Variants in GRB14 observed in about 807,000 individuals in gnomAD.
The protein encoded by GRB14 is growth factor receptor bound protein 14, also known as growth factor receptor-bound protein 14.
In GRB14, 38 loss-of-function variants were observed where a neutral mutation model predicts 69.1. That is an observed-to-expected ratio of 0.55 (90% CI 0.42 to 0.72). The LOEUF is 0.72. Among genes scored for constraint, GRB14 ranks in the 30% least tolerant of loss-of-function variants. The pLI is 0.00. For synonymous variants in GRB14, 247 were observed against 241.3 expected, an observed-to-expected ratio of 1.02 and a Z score of -0.22; for missense variants, 666 against 666.1, an observed-to-expected ratio of 1.00 and a Z score of 0.00.
At chr2:164,529,440 A>T (rs1463078806) in intron 3 of GRB14, among the ~76,000 whole-genome samples, 1 of 152,226 alleles carries the variant, frequency 6.6e-6, no homozygotes, top group Admixed American at 6.5e-5. Context: ...CTTAAAAACG[A>T]AACAAAGTCA....
intron 2 of GRB14, among the ~76,000 whole-genome samples, chr2:164,584,618 T>A (rs1689491086): frequency 6.6e-6 from 1 of 151,946 alleles, no homozygotes; most frequent in Non-Finnish European, 1.5e-5. Flanking sequence ...GAGACTTAAG[T>A]ACTGTTCTCC....
chr2:164,503,148 T>C (rs946754115), intron 8 of GRB14, among the ~76,000 whole-genome samples: 15 of 149,116 alleles, frequency 1.0e-4, no homozygotes, highest in African/African-American at 3.7e-4. Flanking sequence ...GCTAACCTCC[T>C]TTAGGTTTAA....
chr2:164,537,456 T>C (rs1427821446), intron 3 of GRB14, among the ~76,000 whole-genome samples: 1 of 151,870 alleles, frequency 6.6e-6, no homozygotes, highest in African/African-American at 2.4e-5. Flanking sequence ...ATGTATAAAC[T>C]AAAAGGAGGG....
chr2:164,507,855 T>A (rs1301575583), intron 8 of GRB14, among the ~76,000 whole-genome samples: 6 of 152,342 alleles, frequency 3.9e-5, no homozygotes, highest in African/African-American at 1.4e-4. Flanking sequence ...AGTTCTGCTT[T>A]TATTTCCTAT....
intron 4 of GRB14, 85 bp from the exon 5 acceptor site, chr2:164,525,163 G>A: frequency 1.1e-6 from 1 of 946,754 alleles, no homozygotes; most frequent in Non-Finnish European, 1.6e-6. Context: ...AAAAGCAAAA[G>A]TTCTTTAAAC....
intron 3 of GRB14, among the ~76,000 whole-genome samples, chr2:164,539,463 G>A (rs910494887): frequency 3.4e-5 from 4 of 118,546 alleles, no homozygotes; most frequent in Non-Finnish European, 5.3e-5. Context: ...GACAGACGGC[G>A]ACTCCATCTC....
intron 5 of GRB14, among the ~76,000 whole-genome samples, chr2:164,524,583 T>A (rs546949964): frequency 3.9e-5 from 6 of 152,270 alleles, no homozygotes; most frequent in African/African-American, 1.4e-4. Flanking sequence ...TCCTTTCATT[T>A]ATTTGCTAAA....
At chr2:164,499,159 T>C (rs1214746610) in intron 9 of GRB14, among the ~76,000 whole-genome samples, 1 of 152,138 alleles carries the variant, frequency 6.6e-6, no homozygotes, top group East Asian at 1.9e-4. Context: ...CATGCCAAGG[T>C]AGGTTCTGTA....
At chr2:164,565,763 G>C (rs2105326195) in intron 2 of GRB14, among the ~76,000 whole-genome samples, 1 of 152,300 alleles carries the variant, frequency 6.6e-6, no homozygotes, top group East Asian at 1.9e-4. Context: ...GATCCTAATA[G>C]AATTTGGAAG....
rs186251814 is a variant in GRB14, at chr2:164,497,390, T to C, written c.1205A>G (p.Glu402Gly). The change falls in exon 10 of 14, where the codon GAA (glutamate) becomes GGA (glycine). Residue 402 changes from glutamate (E) to glycine (G), a missense_variant. Transcript: ENST00000263915. ...PTEALSVAVE[E>G]GLAWRKKGCL... ...TACTTGTACCCTCCAAGCGAGTCCT[T>C]CTTCAACCGCAACTGAAAGGGCTTC... 1.9e-6 allele frequency: 3 copies of C among 1,613,288 alleles called. No individual in the cohort carries two copies. The East Asian group carries it at 6.7e-5, about 36-fold the overall frequency.
At position 164,525,083 on chromosome 2, in the gene GRB14, CA is replaced by C; in HGVS notation, c.604-6del. On this transcript the variant is annotated splice_region_variant and splice_polypyrimidine_tract_variant and intron_variant, in intron 4 of 13. Transcript: ENST00000263915. ...CATATGCTCTGGAAAAAAATACTGT[CA>C]AAAAGACACAGTTAAATTATCACAA... 1 of 1,530,666 alleles carries C rather than the reference CA, an allele frequency of 6.5e-7. No homozygotes were observed. Among genetic ancestry groups the C allele is most frequent in the Non-Finnish European group, 9.0e-7 (1 of 1,113,812 alleles). 94.8% of individuals were successfully genotyped at this position (1,530,666 alleles called of 1,614,324 possible). A position where few individuals can be genotyped will look rare whatever the true frequency, so the allele number is the denominator to read the frequency against.
In GRB14 at chr2:164,589,062, G is replaced by C. The variant is rs138771235; in HGVS notation, c.324+30625C>G. On this transcript the variant is annotated intron_variant, in intron 2 of 13. Transcript: ENST00000263915. ...CAAGTAACTTTGATGAGGTAGGATT[G>C]TATTTTTTGTAGGTTGAATGTACAT... is the stretch of plus-strand genomic sequence containing the variant. 3.5e-3 allele frequency among the ~76,000 whole-genome samples: 532 copies of C among 152,258 alleles called. 8 individuals carry two copies. Among genetic ancestry groups the C allele is most frequent in the African/African-American group, 0.012 (491 of 41,560 alleles).
intron 3 of GRB14, among the ~76,000 whole-genome samples, chr2:164,543,112 G>T (rs1559042949): frequency 6.6e-6 from 1 of 151,850 alleles, no homozygotes; most frequent in African/African-American, 2.4e-5. Context: ...GGCCAACATG[G>T]TGAAACCCCA....
intron 9 of GRB14, among the ~76,000 whole-genome samples, chr2:164,501,956 A>C (rs1574245476): frequency 6.6e-6 from 1 of 151,976 alleles, no homozygotes; most frequent in African/African-American, 2.4e-5. Flanking sequence ...TAATCTTCAA[A>C]TGTTGTAATG....
At chr2:164,514,374 T>A (rs542389543) in intron 6 of GRB14, among the ~76,000 whole-genome samples, 2 of 152,194 alleles carry the variant, frequency 1.3e-5, no homozygotes, top group South Asian at 4.1e-4. Flanking sequence ...GCCAAAAAAC[T>A]GTGAGTACCC....
chr2:164,521,073 C>T (rs192874102), intron 6 of GRB14, among the ~76,000 whole-genome samples: 1 of 152,216 alleles, frequency 6.6e-6, no homozygotes. Context: ...TATAGCAGCG[C>T]AATTCACAAT....
At chr2:164,550,552 G>T (rs867600515) in intron 2 of GRB14, among the ~76,000 whole-genome samples, 2 of 152,072 alleles carry the variant, frequency 1.3e-5, no homozygotes, top group Admixed American at 6.6e-5. Flanking sequence ...AAACTATTTT[G>T]TACATCTATT....
chr2:164,597,536 A>C (rs1055145235), intron 2 of GRB14, among the ~76,000 whole-genome samples: 12 of 152,172 alleles, frequency 7.9e-5, no homozygotes, highest in African/African-American at 2.4e-4. Flanking sequence ...TAAATCTAAA[A>C]ATAAACTGAG....
Position 164,610,663 on chromosome 2 carries a change from A to G in GRB14, c.324+9024T>C, listed in dbSNP as rs566958705. 2.2e-4 allele frequency among the ~76,000 whole-genome samples: 34 copies of G among 152,198 alleles called. No homozygotes were observed. The East Asian group carries it at 6.4e-3, about 28-fold the overall frequency. On this transcript the variant is annotated intron_variant, in intron 2 of 13. Coordinates refer to ENST00000263915, the MANE Select transcript of GRB14 (RefSeq NM_004490.3). ...ATTAGAATAAACATGTCAAAATATA[A>G]TTTGTTAAATTAGTTTTAACTATGT...
Sources: gnomAD v4.1 joint callset for allele counts (sites outside exome capture counted in the v4.1 genomes callset) on GRCh38, gnomAD v4.1.1 for gene constraint, MANE v1.5 for transcripts, NCBI Gene and HGNC (gene_info 2026-07-23, HGNC 2026-07-21) for gene names.